SGCZ: variants seen among roughly 807,000 people sequenced by gnomAD.
SGCZ encodes sarcoglycan zeta.
SGCZ carries 40 observed loss-of-function variants against 41.3 expected under a neutral mutation model. The ratio of observed to expected loss-of-function variants is 0.97; its 90% confidence interval spans 0.75 to 1.26. The LOEUF is 1.26. Ranked by LOEUF, SGCZ falls within the 50% of genes most tolerant of loss-of-function variation. SGCZ has a pLI of 0.00. For synonymous variants in SGCZ, 206 were observed against 137.5 expected (o/e 1.50, Z -3.49); for missense variants, 552 against 369.8 (o/e 1.49, Z -4.04).
chr8:15,059,264 A>T (rs2131007547), intron 1 of SGCZ, among the ~76,000 whole-genome samples: 1 of 152,332 alleles, frequency 6.6e-6, no homozygotes, highest in African/African-American at 2.4e-5. Context: ...CAAAAATATT[A>T]ACTGTCTGTT....
rs144454882 is a variant in SGCZ at position 14,636,123 on chromosome 8, G to A, written c.40-81197C>T. ...AGATGAATAAAAGCTTGAAATGTCT[G>A]AGGACCTGCAGTAAGTTCAGTGTGG... On this transcript the variant is annotated intron_variant, in intron 1 of 7. Transcript: ENST00000382080. 5.3e-5 allele frequency among the ~76,000 whole-genome samples: 8 copies of A among 151,974 alleles called. No individual in the cohort carries two copies. The East Asian group carries it at 1.4e-3, about 26-fold the overall frequency.
chr8:14,899,074 G>A (rs946110347), intron 1 of SGCZ, among the ~76,000 whole-genome samples: 1 of 152,008 alleles, frequency 6.6e-6, no homozygotes, highest in African/African-American at 2.4e-5. Context: ...TCCTTAAAAA[G>A]GAACTGTAAT....
chr8:14,349,131 C>T (rs1465781996), intron 2 of SGCZ, among the ~76,000 whole-genome samples: 2 of 152,058 alleles, frequency 1.3e-5, no homozygotes, highest in Non-Finnish European at 2.9e-5. Flanking sequence ...TATTATTTAA[C>T]ATTCGTATGT....
chr8:14,508,277 G>A (rs1397849260), intron 2 of SGCZ, among the ~76,000 whole-genome samples: 3 of 152,116 alleles, frequency 2.0e-5, no homozygotes, highest in Admixed American at 1.3e-4. Context: ...CCAGCATGTA[G>A]AACAGTGTCT....
intron 3 of SGCZ, among the ~76,000 whole-genome samples, chr8:14,272,454 G>C (rs775645099): frequency 6.6e-6 from 1 of 152,200 alleles, no homozygotes; most frequent in East Asian, 1.9e-4. Flanking sequence ...AGAAGTAAAA[G>C]TCCTGACTGG....
intron 2 of SGCZ, among the ~76,000 whole-genome samples, chr8:14,331,439 A>G (rs938151576): frequency 6.6e-6 from 1 of 152,068 alleles, no homozygotes; most frequent in Non-Finnish European, 1.5e-5. Context: ...AACAAACAAA[A>G]CATAAGTTGA....
At chr8:15,234,823 T>G (rs779460618) in intron 1 of SGCZ, among the ~76,000 whole-genome samples, 10 of 152,170 alleles carry the variant, frequency 6.6e-5, no homozygotes, top group Admixed American at 3.9e-4. Context: ...TAAAGATAAA[T>G]TATCAGAATC....
In SGCZ at chr8:14,361,965, T is replaced by G. The variant is rs986358476; in HGVS notation, c.235-37761A>C. Among the ~76,000 whole-genome samples, 4 of 152,160 alleles carry G rather than the reference T, an allele frequency of 2.6e-5. No individual in the cohort carries two copies. In the East Asian group the frequency reaches 7.7e-4, roughly 29 times the overall value. The stretch of plus-strand genomic sequence containing the variant: ...CTCAGCTGCAGGTCTGCTGGAGTTT[T>G]CTAGAGGTCAACTCCAGACCCTGCT... On this transcript the variant is annotated intron_variant, in intron 2 of 7. Coordinates refer to ENST00000382080, the MANE Select transcript of SGCZ (RefSeq NM_139167.4).
intron 1 of SGCZ, among the ~76,000 whole-genome samples, chr8:14,710,066 T>C (rs566860478): frequency 8.9e-4 from 135 of 152,228 alleles, no homozygotes; most frequent in African/African-American, 3.2e-3. Context: ...TGAAGAAATT[T>C]CTTAAGAATA....
At chr8:14,120,613 C>T (rs1329336970) in intron 5 of SGCZ, among the ~76,000 whole-genome samples, 1 of 151,712 alleles carries the variant, frequency 6.6e-6, no homozygotes, top group Non-Finnish European at 1.5e-5. Flanking sequence ...ATAAAACTAA[C>T]ATGGTTCACA....
rs541604717 is a variant in SGCZ, at chr8:14,523,734, A to G, written c.234+30998T>C. Among the ~76,000 whole-genome samples, 124 of 152,164 alleles carry G rather than the reference A, an allele frequency of 8.1e-4. 1 individual carries two copies. The highest frequency in any genetic ancestry group is 1.4e-3 in the Admixed American group (21 of 15,270). On this transcript the variant is annotated intron_variant, in intron 2 of 7. Transcript: ENST00000382080. ...TTTTTGTTTGTTTTTGTTTTACCAA[A>G]TTTAAAAAGTTTTCAGCCACTCTTT... is the stretch of plus-strand genomic sequence containing the variant.
intron 5 of SGCZ, among the ~76,000 whole-genome samples, chr8:14,158,573 T>C (rs1803947101): frequency 6.6e-6 from 1 of 152,212 alleles, no homozygotes; most frequent in African/African-American, 2.4e-5. Flanking sequence ...GTTGACAATA[T>C]TCACTATCAC....
intron 4 of SGCZ, among the ~76,000 whole-genome samples, chr8:14,221,020 A>AG (rs200191647): frequency 9.2e-5 from 14 of 151,954 alleles, no homozygotes; most frequent in African/African-American, 3.4e-4. Flanking sequence ...AGAAAAAAAA[A>AG]ATAGAATTTC....
At chr8:14,820,479 C>G (rs73533076) in intron 1 of SGCZ, among the ~76,000 whole-genome samples, 16,431 of 151,926 alleles carry the variant, frequency 0.11, 1,227 homozygotes, top group East Asian at 0.31. Context: ...TAAATTGTAC[C>G]ATAAACCAAA....
chr8:14,967,359 C>T (rs148535236), intron 1 of SGCZ, among the ~76,000 whole-genome samples: 1 of 152,176 alleles, frequency 6.6e-6, no homozygotes, highest in Non-Finnish European at 1.5e-5. Flanking sequence ...GGTGCACACA[C>T]AGATTCTTAC....
At chr8:14,945,965 C>T (rs1308640336) in intron 1 of SGCZ, among the ~76,000 whole-genome samples, 3 of 127,066 alleles carry the variant, frequency 2.4e-5, no homozygotes, top group Non-Finnish European at 4.8e-5. Context: ...ACTTTTCAGC[C>T]TCCATAATAG....
intron 2 of SGCZ, among the ~76,000 whole-genome samples, chr8:14,461,799 A>T (rs1800909340): frequency 6.6e-6 from 1 of 152,138 alleles, no homozygotes; most frequent in South Asian, 2.1e-4. Flanking sequence ...TTATAAAAAA[A>T]TTCTGAAAGC....
At chr8:15,039,372 CAG>C (rs961292887) in intron 1 of SGCZ, among the ~76,000 whole-genome samples, 1 of 152,242 alleles carries the variant, frequency 6.6e-6, no homozygotes, top group South Asian at 2.1e-4. Context: ...CAGCCAGGCA[CAG>C]AGAGACAAAT....
intron 4 of SGCZ, among the ~76,000 whole-genome samples, chr8:14,216,273 C>G (rs1805990328): frequency 6.6e-6 from 1 of 152,100 alleles, no homozygotes; most frequent in Non-Finnish European, 1.5e-5. Context: ...TTTGCAAACC[C>G]CTGGACTTCC....
Sources: gnomAD v4.1 joint callset for allele counts (sites outside exome capture counted in the v4.1 genomes callset) on GRCh38, gnomAD v4.1.1 for gene constraint, MANE v1.5 for transcripts, NCBI Gene and HGNC (gene_info 2026-07-23, HGNC 2026-07-21) for gene names.